CNTN3: variants seen among roughly 807,000 people sequenced by gnomAD.
The protein encoded by CNTN3 is contactin 3.
In CNTN3, 60 loss-of-function variants were observed where a neutral mutation model predicts 119.1. The ratio of observed to expected loss-of-function variants is 0.50; its 90% CI spans 0.41 to 0.62. The LOEUF (loss-of-function observed/expected upper bound fraction) is 0.62, where lower values mean the gene tolerates loss of function less well. Among genes scored for constraint, CNTN3 ranks in the 20% least tolerant of loss-of-function variants. The pLI is 0.00. For missense variants in CNTN3, 1,101 were observed against 1,242.4 expected, an observed-to-expected ratio of 0.89 and a Z score of 1.71; for synonymous variants, 450 against 438.7, an observed-to-expected ratio of 1.03 and a Z score of -0.32.
At chr3:74,365,380 C>G (rs1391764782) in intron 9 of CNTN3, among the ~76,000 whole-genome samples, 186 bp downstream of exon 9, 2 of 152,130 alleles carry the variant, frequency 1.3e-5, no homozygotes, top group African/African-American at 2.4e-5. Context: ...GCTCTCCTCA[C>G]TGGCAGACTG....
chr3:74,320,335 G>A (rs1483187789), intron 13 of CNTN3, among the ~76,000 whole-genome samples: 1 of 152,284 alleles, frequency 6.6e-6, no homozygotes, highest in African/African-American at 2.4e-5. Context: ...ATACTATGCA[G>A]CCATAAAAAA....
At chr3:74,377,509 G>A (rs561600188) in intron 5 of CNTN3, among the ~76,000 whole-genome samples, 1 of 152,184 alleles carries the variant, frequency 6.6e-6, no homozygotes, top group Admixed American at 6.5e-5. Flanking sequence ...ATCATTTTAT[G>A]TACTACGATA....
At chr3:74,587,302 C>T (rs548207456) in intron 1 of CNTN3, among the ~76,000 whole-genome samples, 2 of 152,156 alleles carry the variant, frequency 1.3e-5, no homozygotes, top group East Asian at 3.9e-4. Flanking sequence ...TAGAACTATA[C>T]ACCACTTTGA....
intron 20 of CNTN3, among the ~76,000 whole-genome samples, chr3:74,280,172 A>T (rs998129670): frequency 1.3e-5 from 2 of 152,112 alleles, no homozygotes; most frequent in African/African-American, 2.4e-5. Flanking sequence ...AAAAACAAAT[A>T]AAAAAAGTTG....
intron 1 of CNTN3, among the ~76,000 whole-genome samples, chr3:74,579,358 C>A: frequency 6.6e-6 from 1 of 150,418 alleles, no homozygotes; most frequent in Non-Finnish European, 1.5e-5. Flanking sequence ...CAGATCCCAC[C>A]CCCCTCAAAA....
chr3:74,264,250 C>G lies in CNTN3; in HGVS notation c.*151G>C. 2.3e-6 allele frequency: 1 copy of G among 429,800 alleles called. No homozygotes were observed. The highest frequency in any genetic ancestry group is 4.2e-6 in the Non-Finnish European group (1 of 238,942). 26.6% of individuals were successfully genotyped at this position (429,800 alleles called of 1,614,324 possible). On this transcript the variant is annotated 3_prime_UTR_variant, in exon 23 of 23. Coordinates refer to ENST00000263665, the MANE Select transcript of CNTN3 (RefSeq NM_020872.3). Reference sequence around the variant, plus strand: ...TTTCAGATTCCCCTAAAAGGATTTACTGTTTTTTTAATTATATTCATATTT... The same window carrying G: ...TTTCAGATTCCCCTAAAAGGATTTAGTGTTTTTTTAATTATATTCATATTT...
At chr3:74,389,645 C>T (rs931480692) in intron 5 of CNTN3, among the ~76,000 whole-genome samples, 2 of 152,054 alleles carry the variant, frequency 1.3e-5, no homozygotes, top group African/African-American at 4.8e-5. Flanking sequence ...GGTATTATCC[C>T]CATTTTACTG....
At chr3:74,277,805 T>A (rs1368021051) in intron 20 of CNTN3, among the ~76,000 whole-genome samples, 1 of 152,054 alleles carries the variant, frequency 6.6e-6, no homozygotes, top group Non-Finnish European at 1.5e-5. Context: ...GGCATCCAGA[T>A]CAGTAAAGAA....
chr3:74,490,084 C>T (rs9831786), intron 3 of CNTN3, among the ~76,000 whole-genome samples: 139,509 of 152,210 alleles, frequency 0.92, 64,689 homozygotes, highest in East Asian at 1. Flanking sequence ...CCACCTATGG[C>T]TGGATGACAT....
At chr3:74,545,723 G>A (rs1703904458) in intron 1 of CNTN3, among the ~76,000 whole-genome samples, 1 of 152,160 alleles carries the variant, frequency 6.6e-6, no homozygotes, top group Admixed American at 6.5e-5. Context: ...GTGATACAAA[G>A]CAAATAATGT....
intron 13 of CNTN3, among the ~76,000 whole-genome samples, chr3:74,307,757 C>A (rs942164910): frequency 6.6e-6 from 1 of 152,152 alleles, no homozygotes; most frequent in African/African-American, 2.4e-5. Context: ...TTAGGGGAAC[C>A]TCTTGAACCT....
At chr3:74,385,469 T>C (rs539468830) in intron 5 of CNTN3, among the ~76,000 whole-genome samples, 10 of 152,322 alleles carry the variant, frequency 6.6e-5, no homozygotes, top group African/African-American at 2.2e-4. Flanking sequence ...CTATCTCTGA[T>C]CGTTAAAGTA....
chr3:74,461,194 A>C (rs2106973999), intron 4 of CNTN3, among the ~76,000 whole-genome samples: 1 of 152,068 alleles, frequency 6.6e-6, no homozygotes, highest in South Asian at 2.1e-4. Flanking sequence ...CTTGGGATAA[A>C]CCCTATTTGA....
At chr3:74,433,238 G>A (rs1218791562) in intron 4 of CNTN3, among the ~76,000 whole-genome samples, 3 of 152,122 alleles carry the variant, frequency 2.0e-5, no homozygotes, top group Non-Finnish European at 4.4e-5. Context: ...TTCCCTGGGA[G>A]CAACAACTCC....
At chr3:74,536,997 A>AACAC (rs10663609) in intron 1 of CNTN3, among the ~76,000 whole-genome samples, 13,838 of 149,722 alleles carry the variant, frequency 0.092, 1,444 homozygotes, top group African/African-American at 0.26. Flanking sequence ...TTTCATTTAA[A>AACAC]ACACACACAC....
At chr3:74,597,194 C>G (rs1704827576) in intron 1 of CNTN3, among the ~76,000 whole-genome samples, 1 of 152,088 alleles carries the variant, frequency 6.6e-6, no homozygotes, top group African/African-American at 2.4e-5. Context: ...CAGACTCATA[C>G]TCACTTTAGT....
At chr3:74,530,191 C>T (rs1434299898) in intron 1 of CNTN3, among the ~76,000 whole-genome samples, 2 of 151,966 alleles carry the variant, frequency 1.3e-5, no homozygotes, top group Non-Finnish European at 2.9e-5. Context: ...AATTATACTA[C>T]ATTTTAATAA....
chr3:74,495,081 T>G (rs2107066426), intron 3 of CNTN3, among the ~76,000 whole-genome samples: 1 of 152,226 alleles, frequency 6.6e-6, no homozygotes, highest in African/African-American at 2.4e-5. Context: ...ACCATGTGGC[T>G]ATTTGATTAC....
chr3:74,408,764 G>C (rs1701387695), intron 5 of CNTN3, among the ~76,000 whole-genome samples: 1 of 152,176 alleles, frequency 6.6e-6, no homozygotes, highest in African/African-American at 2.4e-5. Context: ...CCTACAGGAG[G>C]TGCTCTTGCA....
Sources: gnomAD v4.1 joint callset for allele counts (sites outside exome capture counted in the v4.1 genomes callset) on GRCh38, gnomAD v4.1.1 for gene constraint, MANE v1.5 for transcripts, NCBI Gene and HGNC (gene_info 2026-07-23, HGNC 2026-07-21) for gene names.